ZSCAN23: variants seen among roughly 807,000 people sequenced by gnomAD.
The protein encoded by ZSCAN23 is zinc finger and SCAN domain containing 23, also known as zinc finger and SCAN domain-containing protein 23.
A neutral mutation model predicts 19.3 loss-of-function variants in ZSCAN23; 19 were observed. The observed-to-expected ratio is 0.99, with a 90% CI of 0.69 to 1.45. The LOEUF (loss-of-function observed/expected upper bound fraction) is 1.45, where lower values mean the gene tolerates loss of function less well. Among genes scored for constraint, ZSCAN23 ranks in the 40% most tolerant of loss-of-function variants. The pLI, the probability that ZSCAN23 is intolerant of heterozygous loss-of-function variation, is 0.00. For synonymous variants in ZSCAN23, 140 were observed against 166.2 expected (o/e 0.84, Z 1.21); for missense variants, 372 against 462.5 (o/e 0.80, Z 1.79).
rs1233871768 is a variant in ZSCAN23 at position 28,435,856 on chromosome 6, C to T, written c.408+3G>A. 1 of 1,574,536 alleles carries T rather than the reference C, an allele frequency of 6.4e-7. No homozygotes were observed. Among genetic ancestry groups the T allele is most frequent in the Non-Finnish European group, 8.6e-7 (1 of 1,163,374 alleles). ...ACAAATCCCTGTTCTCCCATCTTCT[C>T]ACCTGCTCTCCTGGGTCATCCAGCT... is the stretch of plus-strand genomic sequence containing the variant. On this transcript the variant is annotated splice_donor_region_variant and intron_variant, in intron 2 of 3. Transcript: ENST00000289788.
intron 1 of ZSCAN23, among the ~76,000 whole-genome samples, chr6:28,437,786 G>A (rs1422791970): frequency 6.6e-6 from 1 of 152,042 alleles, no homozygotes; most frequent in East Asian, 1.9e-4. Context: ...ACATGCATAT[G>A]TATATATGTT....
chr6:28,434,713 T>C lies in ZSCAN23; in HGVS notation c.922A>G (p.Ser308Gly). 1 of 1,595,034 alleles carries C rather than the reference T, an allele frequency of 6.3e-7. No individual in the cohort carries two copies. Among genetic ancestry groups the C allele is most frequent in the Non-Finnish European group, 8.5e-7 (1 of 1,170,542 alleles). ...TGGCTGAAGGCTTTGCCACAAACACTGCACTGGTAGCGCTTCTCCCCAGTG... is the reference window on the plus strand; with the variant it reads ...TGGCTGAAGGCTTTGCCACAAACACCGCACTGGTAGCGCTTCTCCCCAGTG... ...LHTGEKRYQC[S>G]VCGKAFSQNA... Residue 308 changes from serine to glycine, a missense_variant, in exon 4 of 4, where the codon AGT becomes GGT. By Grantham distance (56) the Ser-to-Gly change is moderately conservative (BLOSUM62 0). Coordinates refer to ENST00000289788, the MANE Select transcript of ZSCAN23 (RefSeq NM_001012455.2).
intron 2 of ZSCAN23, 93 bp downstream of exon 2, chr6:28,435,764 TAA>T: frequency 1.5e-6 from 2 of 1,305,108 alleles, no homozygotes; most frequent in Admixed American, 3.1e-5. Context: ...AAGTCTGGCA[TAA>T]AAAAAAAATC....
Position 28,434,818 on chromosome 6 carries a change from CTG to C in ZSCAN23, c.815_816del (p.Thr272ArgfsTer2). The C allele has an allele frequency of 6.3e-7, 1 of 1,596,628 alleles. No homozygotes were observed. The highest frequency in any genetic ancestry group is 8.5e-7 in the Non-Finnish European group (1 of 1,171,370). Reference protein sequence around the residue: ...SILIEHQRTHTGEKPYECDEC... With the variant: ...SILIEHQRTHXGEKPYECDEC... ...TCATCACATTCATAAGGCTTCTCACCTGTGTGTGTTCTCTGGTGCTCGATAAG... is the reference window on the plus strand; with the variant it reads ...TCATCACATTCATAAGGCTTCTCACCTGTGTGTTCTCTGGTGCTCGATAAG... On this transcript the variant is annotated frameshift_variant, in exon 4 of 4. Transcript: ENST00000289788. LOFTEE classifies it low-confidence loss of function (END_TRUNC).
chr6:28,430,408 G>A (rs1761740451), downstream of ZSCAN23, among the ~76,000 whole-genome samples: 1 of 152,096 alleles, frequency 6.6e-6, no homozygotes, highest in Non-Finnish European at 1.5e-5. Context: ...CCCAGGTCTG[G>A]TATTATCTGT....
intron 1 of ZSCAN23, among the ~76,000 whole-genome samples, chr6:28,437,538 A>G (rs1761918413): frequency 6.6e-6 from 1 of 152,138 alleles, no homozygotes; most frequent in African/African-American, 2.4e-5. Flanking sequence ...GACTGAGATC[A>G]CACTACTGCA....
rs1259518514 is a variant in ZSCAN23 at position 28,434,786 on chromosome 6, C to T, written c.849G>A (p.Gly283=). 8 of 1,601,772 alleles carry T rather than the reference C, an allele frequency of 5.0e-6. No individual in the cohort carries two copies. The South Asian group carries it at 5.6e-5, about 11-fold the overall frequency. ...GEKPYECDEC[G]RAFSQRSGLF... ...GGCCTGACCTCTGGCTGAAGGCCCGCCCACACTCATCACATTCATAAGGCT... is the reference window on the plus strand; with the variant it reads ...GGCCTGACCTCTGGCTGAAGGCCCGTCCACACTCATCACATTCATAAGGCT... The change falls in exon 4 of 4, where the codon GGG becomes GGA. Residue 283 remains glycine (G), a synonymous_variant. Coordinates refer to ENST00000289788, the MANE Select transcript of ZSCAN23 (RefSeq NM_001012455.2).
intron 1 of ZSCAN23, among the ~76,000 whole-genome samples, chr6:28,443,073 GA>G (rs1398686165): frequency 6.6e-6 from 1 of 152,142 alleles, no homozygotes; most frequent in African/African-American, 2.4e-5. Context: ...TAAGACATCG[GA>G]AAATACAAAC....
the ZSCAN23 span, among the ~76,000 whole-genome samples, chr6:28,424,326 AG>A: frequency 1.3e-5 from 2 of 152,220 alleles, no homozygotes; most frequent in Non-Finnish European, 2.9e-5. Context: ...ATAATCTTTG[AG>A]GCTGCAGAGT....
chr6:28,439,281 G>A (rs1761956158), intron 1 of ZSCAN23, among the ~76,000 whole-genome samples: 1 of 151,968 alleles, frequency 6.6e-6, no homozygotes, highest in African/African-American at 2.4e-5. Flanking sequence ...TAGAGACAGG[G>A]TTTCACCATG....
At chr6:28,435,273 CTTAA>C (rs1435258721) in intron 3 of ZSCAN23, among the ~76,000 whole-genome samples, 183 bp downstream of exon 3, 3 of 152,344 alleles carry the variant, frequency 2.0e-5, no homozygotes, top group Admixed American at 1.3e-4. Flanking sequence ...TAACTGCTTA[CTTAA>C]TTGTCTGCCT....
At chr6:28,425,403 C>T in the ZSCAN23 span, among the ~76,000 whole-genome samples, 13 of 152,330 alleles carry the variant, frequency 8.5e-5, no homozygotes, top group Non-Finnish European at 1.6e-4. Flanking sequence ...TCTTGGCTCA[C>T]TGCAACCTCT....
At chr6:28,427,294 T>C (rs535567082), downstream of ZSCAN23, among the ~76,000 whole-genome samples, 1 of 152,376 alleles carries the variant, frequency 6.6e-6, no homozygotes, top group South Asian at 2.1e-4. Context: ...TATACTCTTC[T>C]GGTTGTTCTT....
chr6:28,441,881 T>A (rs1762009305), intron 1 of ZSCAN23, among the ~76,000 whole-genome samples: 2 of 150,594 alleles, frequency 1.3e-5, no homozygotes. Context: ...TTAATTTTTT[T>A]TTTTTTTTTT....
chr6:28,432,990 G>T lies in ZSCAN23; in HGVS notation c.*1475C>A, dbSNP rs909415874. ...TATTATTTTGATTTTTGAACCAGGT[G>T]AAGAATGAATTATCTTTTTAAAAAA... On this transcript the variant is annotated 3_prime_UTR_variant, in exon 4 of 4. Coordinates refer to ENST00000289788, the MANE Select transcript of ZSCAN23 (RefSeq NM_001012455.2). The T allele has an allele frequency of 2.0e-5, 3 of 152,080 alleles. No homozygotes were observed. Among genetic ancestry groups the T allele is most frequent in the Non-Finnish European group, 2.9e-5 (2 of 67,966 alleles). The allele number at this position is 152,080 out of a possible 1,614,324, so 9.4% of individuals were successfully genotyped here. A position where few individuals can be genotyped will look rare whatever the true frequency, so the allele number is the denominator to read the frequency against.
At chr6:28,438,916 A>C (rs1443589257) in intron 1 of ZSCAN23, among the ~76,000 whole-genome samples, 3 of 152,176 alleles carry the variant, frequency 2.0e-5, no homozygotes, top group African/African-American at 7.2e-5. Flanking sequence ...TATTGGTTAT[A>C]TTTATCAAAG....
At position 28,435,532 on chromosome 6, in the gene ZSCAN23, T is replaced by G; in HGVS notation, c.484A>C (p.Asn162His). The G allele has an allele frequency of 6.4e-7, 1 of 1,551,854 alleles. No individual in the cohort carries two copies. Among genetic ancestry groups the G allele is most frequent in the Non-Finnish European group, 8.7e-7 (1 of 1,147,030 alleles). ...ATPGAAQESS[N>H]DQFQTLEEQL... is the part of the protein sequence containing the mutation. The stretch of plus-strand genomic sequence containing the variant: ...TCTTCCAAGGTTTGGAATTGGTCAT[T>G]TGATGACTCCTGAGCTGCTCCTGGA... The change falls in exon 3 of 4, where the codon AAT becomes CAT. Residue 162 changes from asparagine to histidine, a missense_variant. Asn to His is a moderately conservative substitution (Grantham distance 68). Coordinates refer to ENST00000289788, the MANE Select transcript of ZSCAN23 (RefSeq NM_001012455.2).
At chr6:28,431,725 T>C (rs940732678), downstream of ZSCAN23, among the ~76,000 whole-genome samples, 1 of 152,170 alleles carries the variant, frequency 6.6e-6, no homozygotes, top group African/African-American at 2.4e-5. Flanking sequence ...TAATAAAAAG[T>C]GTGAGGAGTA....
the ZSCAN23 span, among the ~76,000 whole-genome samples, chr6:28,426,439 G>A: frequency 0.053 from 8,031 of 152,264 alleles, 341 homozygotes; most frequent in African/African-American, 0.12. Context: ...TGGTTGGTTG[G>A]TGGAAGAGTC....
Sources: allele counts gnomAD v4.1 joint callset (sites outside exome capture counted in the v4.1 genomes callset), GRCh38; gene constraint gnomAD v4.1.1; transcripts MANE v1.5; gene names NCBI Gene and HGNC (gene_info 2026-07-23, HGNC 2026-07-21).